PTPRD: variants seen among roughly 807,000 people sequenced by gnomAD.
PTPRD encodes protein tyrosine phosphatase receptor type D, also known as receptor-type tyrosine-protein phosphatase delta.
In PTPRD, 34 loss-of-function variants were observed where a neutral mutation model predicts 214.5. The observed-to-expected ratio is 0.16, with a 90% CI of 0.12 to 0.21. The LOEUF is 0.21. Among genes scored for constraint, PTPRD ranks in the 10% least tolerant of loss-of-function variants. The pLI is 1.00. For synonymous variants in PTPRD, 1,128 were observed against 845.7 expected, an observed-to-expected ratio of 1.33 and a Z score of -5.79; for missense variants, 2,545 against 2,398.7, an observed-to-expected ratio of 1.06 and a Z score of -1.27.
At chr9:8,682,705 G>A (rs950059669) in intron 12 of PTPRD, among the ~76,000 whole-genome samples, 1 of 152,146 alleles carries the variant, frequency 6.6e-6, no homozygotes, top group Non-Finnish European at 1.5e-5. Flanking sequence ...GGAAAATTAA[G>A]GAGGCTGAAA....
chr9:9,678,156 T>C (rs1002171924), intron 7 of PTPRD, among the ~76,000 whole-genome samples: 6 of 152,180 alleles, frequency 3.9e-5, no homozygotes, highest in South Asian at 2.1e-4. Flanking sequence ...AGGTAATTTA[T>C]AGATTCAATG....
intron 44 of PTPRD, among the ~76,000 whole-genome samples, chr9:8,321,223 TC>T (rs1369888326): frequency 1.3e-5 from 2 of 151,832 alleles, no homozygotes; most frequent in Non-Finnish European, 2.9e-5. Flanking sequence ...TGTTGAATGA[TC>T]TAGGTACTCC....
intron 9 of PTPRD, among the ~76,000 whole-genome samples, chr9:9,389,378 C>A (rs1226203876): frequency 6.6e-6 from 1 of 152,020 alleles, no homozygotes; most frequent in Non-Finnish European, 1.5e-5. Flanking sequence ...GGCGTGGTGG[C>A]ACATGCCTGT....
chr9:8,810,993 G>A (rs1477397333), intron 11 of PTPRD, among the ~76,000 whole-genome samples: 1 of 152,112 alleles, frequency 6.6e-6, no homozygotes, highest in African/African-American at 2.4e-5. Context: ...TCCTCGGTTT[G>A]GGAGAAAGCC....
intron 7 of PTPRD, among the ~76,000 whole-genome samples, chr9:9,615,544 C>A (rs961790962): frequency 2.6e-5 from 4 of 152,148 alleles, no homozygotes; most frequent in African/African-American, 9.7e-5. Flanking sequence ...CTTATAGCTA[C>A]ATTTACCATA....
chr9:10,044,785 C>T lies in PTPRD; in HGVS notation c.-544-10995G>A, dbSNP rs1456421569. ...ATTATAATCACACAGCAGCACAAAC[C>T]TTCAGAAGCTATGGGATAGATTTTG... is the stretch of plus-strand genomic sequence containing the variant. On this transcript the variant is annotated intron_variant, in intron 3 of 45. Transcript: ENST00000381196. Among the ~76,000 whole-genome samples, 9 of 151,638 alleles carry T rather than the reference C, an allele frequency of 5.9e-5. No individual in the cohort carries two copies. The Admixed American group carries it at 5.9e-4, about 10-fold the overall frequency.
chr9:10,373,963 T>C (rs1170645792), intron 2 of PTPRD, among the ~76,000 whole-genome samples: 3 of 152,096 alleles, frequency 2.0e-5, no homozygotes, highest in Non-Finnish European at 4.4e-5. Context: ...CAGGCATATC[T>C]ACCTGGTTGG....
intron 11 of PTPRD, among the ~76,000 whole-genome samples, chr9:8,812,371 A>G (rs1171693507): frequency 1.3e-5 from 2 of 152,228 alleles, no homozygotes; most frequent in Non-Finnish European, 2.9e-5. Flanking sequence ...GGATAATAAC[A>G]TTACTTATAG....
At chr9:8,974,464 G>T (rs1384919511) in intron 11 of PTPRD, among the ~76,000 whole-genome samples, 1 of 151,810 alleles carries the variant, frequency 6.6e-6, no homozygotes, top group Non-Finnish European at 1.5e-5. Flanking sequence ...TTGTTACATA[G>T]GTATACATGC....
chr9:10,018,035 T>A lies in PTPRD; in HGVS notation c.-472+15683A>T, dbSNP rs1367031326. Among the ~76,000 whole-genome samples the A allele has an allele frequency of 2.0e-5, 3 of 152,126 alleles. No homozygotes were observed. The East Asian group carries it at 5.8e-4, about 29-fold the overall frequency. On this transcript the variant is annotated intron_variant, in intron 4 of 45. Coordinates refer to ENST00000381196, the MANE Select transcript of PTPRD (RefSeq NM_002839.4). ...TTAGTTTTAACAGCATAAGTTAGTT[T>A]TATTTATTGTCTTTTTCTGACTCTT...
intron 5 of PTPRD, among the ~76,000 whole-genome samples, chr9:9,860,325 A>G (rs1476356924): frequency 1.3e-5 from 2 of 152,224 alleles, no homozygotes; most frequent in African/African-American, 4.8e-5. Flanking sequence ...AACTTAACTA[A>G]AGGACAATTG....
chr9:9,369,757 G>A (rs921919502), intron 9 of PTPRD, among the ~76,000 whole-genome samples: 12 of 152,250 alleles, frequency 7.9e-5, no homozygotes, highest in Admixed American at 2.0e-4. Context: ...TAACACATAA[G>A]TCTTTAATCC....
intron 11 of PTPRD, among the ~76,000 whole-genome samples, chr9:8,753,876 G>T (rs903121367): frequency 1.3e-5 from 2 of 152,240 alleles, no homozygotes; most frequent in African/African-American, 4.8e-5. Context: ...CAGGCATGGT[G>T]GCTCACGCCT....
At chr9:10,148,560 G>A (rs965392817) in intron 3 of PTPRD, among the ~76,000 whole-genome samples, 2 of 152,148 alleles carry the variant, frequency 1.3e-5, no homozygotes, top group Admixed American at 1.3e-4. Flanking sequence ...ATGGAATACT[G>A]ATTCAAGGAA....
Position 8,453,224 on chromosome 9 carries a change from T to C in PTPRD, c.3876-3387A>G, listed in dbSNP as rs549321257. Among the ~76,000 whole-genome samples the C allele has an allele frequency of 1.4e-4, 22 of 152,246 alleles. No homozygotes were observed. In the South Asian group the frequency reaches 4.1e-3, roughly 29 times the overall value. Reference sequence around the variant, plus strand: ...TGTCGCCCAGGCTGGAGTGCAGTGGTGCGATCTCGGCTCACTGCAAGCTCT... The same window carrying C: ...TGTCGCCCAGGCTGGAGTGCAGTGGCGCGATCTCGGCTCACTGCAAGCTCT... On this transcript the variant is annotated intron_variant, in intron 33 of 45. Transcript: ENST00000381196.
chr9:9,896,399 C>A (rs544744307), intron 5 of PTPRD, among the ~76,000 whole-genome samples: 3 of 152,056 alleles, frequency 2.0e-5, no homozygotes, highest in Admixed American at 6.6e-5. Flanking sequence ...TACATCTTCA[C>A]TAGTGCAAGG....
At chr9:9,352,788 T>C (rs975444669) in intron 9 of PTPRD, among the ~76,000 whole-genome samples, 1 of 151,994 alleles carries the variant, frequency 6.6e-6, no homozygotes, top group African/African-American at 2.4e-5. Flanking sequence ...ATTTTAAATG[T>C]CTGGAAGAAG....
chr9:9,226,231 G>C (rs1044467200), intron 9 of PTPRD, among the ~76,000 whole-genome samples: 3 of 151,646 alleles, frequency 2.0e-5, no homozygotes, highest in African/African-American at 7.3e-5. Flanking sequence ...AAATCTAGTA[G>C]GCAGTGGTCT....
intron 12 of PTPRD, among the ~76,000 whole-genome samples, chr9:8,691,588 G>A (rs546954519): frequency 2.8e-4 from 43 of 152,180 alleles, no homozygotes; most frequent in African/African-American, 1.0e-3. Context: ...GAATTCTATT[G>A]GATTTGAAGG....
Sources: gnomAD v4.1 joint callset for allele counts (sites outside exome capture counted in the v4.1 genomes callset) on GRCh38, gnomAD v4.1.1 for gene constraint, MANE v1.5 for transcripts, NCBI Gene and HGNC (gene_info 2026-07-23, HGNC 2026-07-21) for gene names.